The following TAF4B variants were observed in gnomAD, a reference collection of about 807,000 sequenced individuals.
TAF4B encodes the protein TATA-box binding protein associated factor 4b.
A neutral mutation model predicts 86.4 loss-of-function variants in TAF4B; 38 were observed. That is an observed-to-expected ratio of 0.44 (90% CI 0.34 to 0.58). The LOEUF (loss-of-function observed/expected upper bound fraction) is 0.58. Ranked by LOEUF, TAF4B falls within the 20% of genes least tolerant of loss-of-function variation. TAF4B has a pLI of 0.02. For synonymous variants in TAF4B, 388 were observed against 391.2 expected (o/e 0.99, Z 0.10); for missense variants, 988 against 1,027.6 (o/e 0.96, Z 0.53).
chr18:26,305,613 G>A (rs1375419859), intron 9 of TAF4B, among the ~76,000 whole-genome samples: 1 of 152,058 alleles, frequency 6.6e-6, no homozygotes, highest in African/African-American at 2.4e-5. Flanking sequence ...CATCATGTTG[G>A]CCAGGCCAGT....
Position 26,274,816 on chromosome 18 carries a change from C to T in TAF4B, c.751C>T (p.Leu251Phe), listed in dbSNP as rs1256212156. 1 of 1,614,182 alleles carries T rather than the reference C, an allele frequency of 6.2e-7. No individual in the cohort carries two copies. The highest frequency in any genetic ancestry group is 8.5e-7 in the Non-Finnish European group (1 of 1,180,020). Reference sequence around the variant, plus strand: ...GAACTCAGCAGCTGTTCAGATTAATCTTTCTCCGGTAAGCTCTTACTTGCA... The same window carrying T: ...GAACTCAGCAGCTGTTCAGATTAATTTTTCTCCGGTAAGCTCTTACTTGCA... Reference protein sequence around the residue: ...AENSAAVQINLSPTMLENVKK... With the variant: ...AENSAAVQINFSPTMLENVKK... The change falls in exon 4 of 15, where the codon CTT (leucine) becomes TTT (phenylalanine). Residue 251 changes from leucine (L) to phenylalanine (F), a missense_variant. Leu to Phe is a conservative substitution (Grantham distance 22, BLOSUM62 0). This residue lies in a region of TAF4B where 747 missense variants were observed against 737.9 expected (regional missense o/e 1.01). Transcript: ENST00000269142.
At chr18:26,278,125 C>T (rs973799909) in intron 5 of TAF4B, among the ~76,000 whole-genome samples, 6 of 152,122 alleles carry the variant, frequency 3.9e-5, no homozygotes, top group Admixed American at 3.9e-4. Context: ...TTTAGCGACT[C>T]AATTACAGTG....
At chr18:26,367,550 A>G (rs2057380057) in intron 14 of TAF4B, among the ~76,000 whole-genome samples, 1 of 152,160 alleles carries the variant, frequency 6.6e-6, no homozygotes, top group Non-Finnish European at 1.5e-5. Flanking sequence ...TACATTGGTA[A>G]GGGTGGTTCT....
At chr18:26,349,945 G>C (rs2057231011) in intron 13 of TAF4B, among the ~76,000 whole-genome samples, 1 of 152,166 alleles carries the variant, frequency 6.6e-6, no homozygotes, top group African/African-American at 2.4e-5. Flanking sequence ...AAAGGTGCCA[G>C]GAACATATAC....
chr18:26,228,914 A>G (rs1181771742), intron 1 of TAF4B, among the ~76,000 whole-genome samples: 2 of 152,164 alleles, frequency 1.3e-5, no homozygotes, highest in East Asian at 1.9e-4. Flanking sequence ...TGTTGGTCAT[A>G]ATAGGTAGGT....
chr18:26,290,667 T>C (rs2056580495), intron 7 of TAF4B, among the ~76,000 whole-genome samples: 1 of 152,178 alleles, frequency 6.6e-6, no homozygotes. Flanking sequence ...CTCTATTTGT[T>C]AGAGTTTTGT....
intron 14 of TAF4B, among the ~76,000 whole-genome samples, chr18:26,387,018 T>C (rs907297522): frequency 1.3e-5 from 2 of 152,216 alleles, no homozygotes; most frequent in African/African-American, 4.8e-5. Flanking sequence ...TTTAGCATAA[T>C]GTATCTAATT....
intron 1 of TAF4B, among the ~76,000 whole-genome samples, chr18:26,260,505 G>T (rs913210448): frequency 2.6e-5 from 4 of 152,178 alleles, no homozygotes; most frequent in Non-Finnish European, 5.9e-5. Context: ...CATATGGCTA[G>T]CCAGTTTTCC....
intron 14 of TAF4B, among the ~76,000 whole-genome samples, chr18:26,374,178 A>G (rs2057426730): frequency 6.6e-6 from 1 of 152,146 alleles, no homozygotes; most frequent in Non-Finnish European, 1.5e-5. Flanking sequence ...GGTGTTTTAT[A>G]TGTAATATTT....
intron 14 of TAF4B, among the ~76,000 whole-genome samples, chr18:26,383,096 G>C (rs1978300030): frequency 6.6e-6 from 1 of 152,204 alleles, no homozygotes; most frequent in South Asian, 2.1e-4. Context: ...GAGACAAGAA[G>C]AAAGGAATGA....
chr18:26,226,814 C>T lies in TAF4B; in HGVS notation c.-120C>T. On this transcript the variant is annotated 5_prime_UTR_variant, in exon 1 of 15. Coordinates refer to ENST00000269142, the MANE Select transcript of TAF4B (RefSeq NM_005640.3). The stretch of plus-strand genomic sequence containing the variant: ...TGACTTCGCTGCTGCGGCCCCCGCG[C>T]CTCTCCCCAGCGATGCTGTGGAACC... 1.3e-6 allele frequency: 1 copy of T among 781,198 alleles called. No individual in the cohort carries two copies. The highest frequency in any genetic ancestry group is 1.8e-6 in the Non-Finnish European group (1 of 558,194). 48.4% of individuals were successfully genotyped at this position (781,198 alleles called of 1,614,324 possible).
At chr18:26,249,855 T>C (rs1458881759) in intron 1 of TAF4B, among the ~76,000 whole-genome samples, 1 of 152,180 alleles carries the variant, frequency 6.6e-6, no homozygotes, top group Non-Finnish European at 1.5e-5. Context: ...CCTAAGTAGC[T>C]GGGATTACAG....
At chr18:26,262,074 C>A (rs2056176169) in intron 1 of TAF4B, among the ~76,000 whole-genome samples, 1 of 152,158 alleles carries the variant, frequency 6.6e-6, no homozygotes, top group South Asian at 2.1e-4. Context: ...ACTTGAGGTC[C>A]AAGTGTTCCC....
intron 12 of TAF4B, among the ~76,000 whole-genome samples, chr18:26,327,926 T>G (rs1206886313): frequency 6.6e-6 from 1 of 152,180 alleles, no homozygotes; most frequent in Non-Finnish European, 1.5e-5. Flanking sequence ...TTTAAACGTT[T>G]TCTTGGGCTA....
intron 12 of TAF4B, among the ~76,000 whole-genome samples, chr18:26,328,961 A>G (rs2057029455): frequency 6.6e-6 from 1 of 151,288 alleles, no homozygotes; most frequent in African/African-American, 2.4e-5. Flanking sequence ...ACAATCATTA[A>G]TCCCCTCCCT....
chr18:26,257,044 C>A (rs1018210156), intron 1 of TAF4B, among the ~76,000 whole-genome samples: 1 of 152,108 alleles, frequency 6.6e-6, no homozygotes, highest in Non-Finnish European at 1.5e-5. Context: ...GAATGTTTCG[C>A]ATACACTTAA....
At chr18:26,378,435 A>G (rs1476473786) in intron 14 of TAF4B, among the ~76,000 whole-genome samples, 1 of 152,220 alleles carries the variant, frequency 6.6e-6, no homozygotes, top group Non-Finnish European at 1.5e-5. Context: ...TTGTGGATGT[A>G]GAATTCCAGC....
intron 14 of TAF4B, among the ~76,000 whole-genome samples, chr18:26,369,693 C>T (rs1390193773): frequency 6.6e-6 from 1 of 152,168 alleles, no homozygotes; most frequent in South Asian, 2.1e-4. Context: ...TCCTCTGAAC[C>T]GTGGGCCAGA....
At chr18:26,228,157 A>G (rs1408136744) in intron 1 of TAF4B, among the ~76,000 whole-genome samples, 1 of 152,202 alleles carries the variant, frequency 6.6e-6, no homozygotes, top group African/African-American at 2.4e-5. Context: ...TAATTTACAT[A>G]TTGTAAATAT....
Sources: allele counts gnomAD v4.1 joint callset (sites outside exome capture counted in the v4.1 genomes callset), GRCh38; gene constraint gnomAD v4.1.1; regional missense constraint gnomAD v4.1.1; transcripts MANE v1.5; gene names NCBI Gene and HGNC (gene_info 2026-07-23, HGNC 2026-07-21).